CTNND2: variants seen among roughly 807,000 people sequenced by gnomAD.
CTNND2 encodes catenin delta-2.
Under a neutral mutation model 144.4 loss-of-function variants are expected in CTNND2, and 22 were observed. The observed-to-expected ratio is 0.15, with a 90% confidence interval of 0.11 to 0.22. The LOEUF (loss-of-function observed/expected upper bound fraction) is 0.22, where lower values mean the gene tolerates loss of function less well. Among genes scored for constraint, CTNND2 ranks in the 10% least tolerant of loss-of-function variants. The probability of loss-of-function intolerance (pLI) is 1.00; values close to 1 mark genes in which losing one functional copy is unlikely to be tolerated. For missense variants in CTNND2, 1,353 were observed against 1,618.8 expected (o/e 0.84, Z 2.82); for synonymous variants, 751 against 695.6 (o/e 1.08, Z -1.25).
intron 3 of CTNND2, among the ~76,000 whole-genome samples, chr5:11,484,188 T>TTCAGCCCATC (rs1215373765): frequency 6.6e-6 from 1 of 152,210 alleles, no homozygotes; most frequent in Non-Finnish European, 1.5e-5. Context: ...GTCTGCCCAT[T>TTCAGCCCATC]TCAGCCCATC....
chr5:11,581,726 T>C (rs1167505787), intron 2 of CTNND2, among the ~76,000 whole-genome samples: 2 of 152,184 alleles, frequency 1.3e-5, no homozygotes, highest in African/African-American at 4.8e-5. Context: ...AGGACAAGGA[T>C]AAATGTCTAA....
At chr5:11,431,819 G>A (rs1763312738) in intron 3 of CTNND2, among the ~76,000 whole-genome samples, 1 of 152,028 alleles carries the variant, frequency 6.6e-6, no homozygotes, top group African/African-American at 2.4e-5. Context: ...CAAGTAACTT[G>A]GTGTTGTTAA....
intron 2 of CTNND2, among the ~76,000 whole-genome samples, chr5:11,707,133 CTT>C (rs1785754452): frequency 1.3e-5 from 2 of 151,700 alleles, no homozygotes; most frequent in Non-Finnish European, 2.9e-5. Flanking sequence ...ACAACTATGA[CTT>C]TTGACAACGT....
At chr5:11,458,968 C>T (rs1298530373) in intron 3 of CTNND2, among the ~76,000 whole-genome samples, 1 of 151,572 alleles carries the variant, frequency 6.6e-6, no homozygotes, top group African/African-American at 2.4e-5. Context: ...TGGCATTTTG[C>T]CATGTTCCCC....
chr5:11,015,068 G>T (rs1354183166), intron 18 of CTNND2, among the ~76,000 whole-genome samples: 1 of 151,952 alleles, frequency 6.6e-6, no homozygotes, highest in Non-Finnish European at 1.5e-5. Context: ...TTTTCCTTTG[G>T]AACGCTTCCT....
chr5:11,333,745 G>A (rs978494522), intron 9 of CTNND2, among the ~76,000 whole-genome samples: 4 of 152,158 alleles, frequency 2.6e-5, no homozygotes, highest in East Asian at 1.9e-4. Flanking sequence ...TGACCCTGGC[G>A]GATTTGCTTG....
chr5:11,718,730 C>T (rs1786496307), intron 2 of CTNND2, among the ~76,000 whole-genome samples: 1 of 152,156 alleles, frequency 6.6e-6, no homozygotes, highest in Non-Finnish European at 1.5e-5. Flanking sequence ...GCCTCCTGCA[C>T]TCTCTCTCCA....
intron 3 of CTNND2, among the ~76,000 whole-genome samples, chr5:11,545,181 G>A (rs1211865284): frequency 6.6e-6 from 1 of 151,416 alleles, no homozygotes; most frequent in Non-Finnish European, 1.5e-5. Flanking sequence ...AATTAGCCAG[G>A]CATGGTGGCA....
chr5:11,575,112 C>T (rs1777877663), intron 2 of CTNND2, among the ~76,000 whole-genome samples: 1 of 152,152 alleles, frequency 6.6e-6, no homozygotes, highest in Non-Finnish European at 1.5e-5. Flanking sequence ...AATTGTCCAC[C>T]ACTCTCATAG....
chr5:11,873,480 T>C (rs1735318050), intron 1 of CTNND2, among the ~76,000 whole-genome samples: 2 of 152,206 alleles, frequency 1.3e-5, no homozygotes, highest in Admixed American at 1.3e-4. Flanking sequence ...AGCCCCTTTA[T>C]ATTTATCTTT....
rs1754812574 is a variant in CTNND2 at position 11,346,575 on chromosome 5, C to T, written c.1425G>A (p.Gln475=). Residue 475 remains glutamine, a synonymous_variant, in exon 9 of 22, where the codon CAG becomes CAA. Transcript: ENST00000304623. The part of the protein sequence containing the change: ...DSVPLQRTGS[Q]HGPQNAAAAT... Reference sequence around the variant, plus strand: ...CCGCGGCGGCATTCTGTGGGCCGTGCTGGCTGCCTGTGCGCTGCAAGGGGA... The same window carrying T: ...CCGCGGCGGCATTCTGTGGGCCGTGTTGGCTGCCTGTGCGCTGCAAGGGGA... 1.9e-6 allele frequency: 3 copies of T among 1,595,918 alleles called. No individual in the cohort carries two copies. The highest frequency in any genetic ancestry group is 2.7e-5 in the African/African-American group (2 of 74,364).
At chr5:11,824,198 T>C in intron 1 of CTNND2, among the ~76,000 whole-genome samples, 1 of 151,914 alleles carries the variant, frequency 6.6e-6, no homozygotes, top group Non-Finnish European at 1.5e-5. Context: ...TCCCTCAGTA[T>C]CCATCCAGGC....
At chr5:11,511,186 C>T (rs1771608314) in intron 3 of CTNND2, among the ~76,000 whole-genome samples, 1 of 152,164 alleles carries the variant, frequency 6.6e-6, no homozygotes. Context: ...TTCTGTCATG[C>T]TTTCTCAGAA....
At chr5:11,778,394 T>A (rs1425697013) in intron 1 of CTNND2, among the ~76,000 whole-genome samples, 2 of 151,870 alleles carry the variant, frequency 1.3e-5, no homozygotes, top group South Asian at 2.1e-4. Context: ...GTCAACAAGT[T>A]CTCCAGGTGA....
At chr5:11,719,587 G>A (rs1786544134) in intron 2 of CTNND2, among the ~76,000 whole-genome samples, 2 of 152,058 alleles carry the variant, frequency 1.3e-5, no homozygotes, top group East Asian at 1.9e-4. Flanking sequence ...ATGTTGTCAA[G>A]ATTAAAAAAT....
chr5:11,903,990 G>A lies in CTNND2; in HGVS notation c.-137C>T. ...GTCTGAGCGCGGCCGCGGGACAAGG[G>A]ATGCTGGCGGGCGGCAGGGGCGAGC... is the stretch of plus-strand genomic sequence containing the variant. On this transcript the variant is annotated 5_prime_UTR_variant, in exon 1 of 22. Coordinates refer to ENST00000304623, the MANE Select transcript of CTNND2 (RefSeq NM_001332.4). The surrounding 1 kb of genome is among the most constrained non-coding windows in gnomAD (Gnocchi z 5.4). 9.5e-7 allele frequency: 1 copy of A among 1,056,866 alleles called. No individual in the cohort carries two copies. The highest frequency in any genetic ancestry group is 1.7e-5 in the African/African-American group (1 of 59,894). 65.5% of individuals were successfully genotyped at this position (1,056,866 alleles called of 1,614,324 possible). A position where few individuals can be genotyped will look rare whatever the true frequency, so the allele number is the denominator to read the frequency against.
intron 9 of CTNND2, among the ~76,000 whole-genome samples, chr5:11,252,687 G>A (rs1256513801): frequency 6.6e-6 from 1 of 152,184 alleles, no homozygotes; most frequent in East Asian, 1.9e-4. Context: ...GAGATGATCA[G>A]GTGATGGAGG....
chr5:11,282,591 A>G lies in CTNND2; in HGVS notation c.1629-45768T>C, dbSNP rs1747275612. ...CCTCTGATGCATACACTGTTAGGGA[A>G]CGACTGTTTTGTCTTCCTGTAGATG... On this transcript the variant is annotated intron_variant, in intron 9 of 21. Coordinates refer to ENST00000304623, the MANE Select transcript of CTNND2 (RefSeq NM_001332.4). Among the ~76,000 whole-genome samples the G allele has an allele frequency of 3.9e-5, 6 of 152,326 alleles. No individual in the cohort carries two copies. In the South Asian group the frequency reaches 1.0e-3, roughly 26 times the overall value.
intron 9 of CTNND2, among the ~76,000 whole-genome samples, chr5:11,328,107 G>A (rs149274088): frequency 3.7e-4 from 56 of 152,122 alleles, no homozygotes; most frequent in Admixed American, 1.4e-3. Context: ...TTATCAAAGC[G>A]CTAGTGATTT....
Sources: allele counts gnomAD v4.1 joint callset (sites outside exome capture counted in the v4.1 genomes callset), GRCh38; gene constraint gnomAD v4.1.1; non-coding constraint Gnocchi (gnomAD v3.1); transcripts MANE v1.5; gene names NCBI Gene and HGNC (gene_info 2026-07-23, HGNC 2026-07-21).